The following NFAT5 variants were observed in gnomAD, a reference collection of about 807,000 sequenced individuals.
The protein encoded by NFAT5 is nuclear factor of activated T cells 5, also known as nuclear factor of activated T-cells 5.
NFAT5 carries 31 observed loss-of-function variants against 166.5 expected under a neutral mutation model. The ratio of observed to expected loss-of-function variants is 0.19; its 90% CI spans 0.14 to 0.25. The LOEUF (loss-of-function observed/expected upper bound fraction) is 0.25, where lower values mean the gene tolerates loss of function less well. Ranked by LOEUF, NFAT5 falls within the 10% of genes least tolerant of loss-of-function variation. The pLI, the probability that NFAT5 is intolerant of heterozygous loss-of-function variation, is 1.00. For missense variants in NFAT5, 1,449 were observed against 1,821.8 expected (o/e 0.80, Z 3.72); for synonymous variants, 612 against 639.7 (o/e 0.96, Z 0.65).
intron 7 of NFAT5, among the ~76,000 whole-genome samples, chr16:69,666,886 A>G (rs1415754435): frequency 2.0e-5 from 3 of 152,232 alleles, no homozygotes; most frequent in Admixed American, 6.5e-5. Context: ...TGTTTATTGC[A>G]GCACTATTCA....
At chr16:69,661,069 AC>A (rs1170460517) in intron 7 of NFAT5, among the ~76,000 whole-genome samples, 1 of 125,088 alleles carries the variant, frequency 8.0e-6, no homozygotes, top group Non-Finnish European at 1.6e-5. Context: ...TCCTCCCAGC[AC>A]CCCCCACCAC....
chr16:69,590,666 C>T (rs1213796097), intron 2 of NFAT5, among the ~76,000 whole-genome samples: 2 of 152,176 alleles, frequency 1.3e-5, no homozygotes, highest in Non-Finnish European at 2.9e-5. Context: ...TCCCCTCCCT[C>T]AGCCTAACAG....
intron 2 of NFAT5, among the ~76,000 whole-genome samples, chr16:69,576,291 C>CAAAAAAA (rs35557444): frequency 1.8e-5 from 1 of 55,304 alleles, no homozygotes; most frequent in Admixed American, 2.0e-4. Context: ...GACTCGGTCT[C>CAAAAAAA]AAAAAAAAAA....
intron 2 of NFAT5, among the ~76,000 whole-genome samples, chr16:69,578,858 A>G (rs1311104401): frequency 6.6e-6 from 1 of 152,102 alleles, no homozygotes; most frequent in Non-Finnish European, 1.5e-5. Flanking sequence ...GAAACACTAT[A>G]AAAGTTGCAT....
intron 2 of NFAT5, among the ~76,000 whole-genome samples, chr16:69,591,288 CT>C: frequency 6.6e-6 from 1 of 152,050 alleles, no homozygotes. Flanking sequence ...AAAGAGTCCC[CT>C]CCCCACCCCG....
chr16:69,624,462 C>T (rs2034353376), intron 2 of NFAT5, among the ~76,000 whole-genome samples: 1 of 152,150 alleles, frequency 6.6e-6, no homozygotes, highest in African/African-American at 2.4e-5. Context: ...CCGCCTCGGC[C>T]TCCCAGTGTT....
intron 4 of NFAT5, among the ~76,000 whole-genome samples, chr16:69,650,602 A>G (rs1416829302): frequency 2.0e-5 from 3 of 152,258 alleles, no homozygotes; most frequent in East Asian, 1.9e-4. Flanking sequence ...CTTGACTAGC[A>G]TAAGTGAGTA....
At chr16:69,686,751 C>G (rs2037322323) in intron 11 of NFAT5, among the ~76,000 whole-genome samples, 1 of 151,966 alleles carries the variant, frequency 6.6e-6, no homozygotes, top group Admixed American at 6.5e-5. Flanking sequence ...GTAATCCCAG[C>G]TGCTTGGGAG....
intron 4 of NFAT5, chr16:69,649,275 A>C: frequency 3.1e-6 from 3 of 956,480 alleles, no homozygotes; most frequent in Non-Finnish European, 3.7e-6. Flanking sequence ...AAAGTCTTTA[A>C]TATAAAGTTC....
At chr16:69,643,183 A>G (rs1373895097) in intron 3 of NFAT5, among the ~76,000 whole-genome samples, 1 of 147,292 alleles carries the variant, frequency 6.8e-6, no homozygotes, top group Non-Finnish European at 1.5e-5. Flanking sequence ...GCGCCACTGC[A>G]CTCCAGCCTG....
chr16:69,651,639 A>G lies in NFAT5; in HGVS notation c.813-1597A>G, dbSNP rs531256212. 2.0e-5 allele frequency among the ~76,000 whole-genome samples: 3 copies of G among 151,560 alleles called. No homozygotes were observed. In the South Asian group the frequency reaches 6.3e-4, roughly 32 times the overall value. On this transcript the variant is annotated intron_variant, in intron 4 of 14. Coordinates refer to ENST00000349945, the MANE Select transcript of NFAT5 (RefSeq NM_138713.4). ...GACTAGGAGGGTCACAGAGAAAGCT[A>G]TGACCCTGACTTTATTTAAAAACAT...
At chr16:69,600,690 AGATACAG>A (rs919678462) in intron 2 of NFAT5, among the ~76,000 whole-genome samples, 1 of 149,744 alleles carries the variant, frequency 6.7e-6, no homozygotes, top group African/African-American at 2.5e-5. Flanking sequence ...CAAGAATGAT[AGATACAG>A]GATAGTAGCC....
chr16:69,571,000 TA>T, intron 2 of NFAT5, among the ~76,000 whole-genome samples: 1 of 151,956 alleles, frequency 6.6e-6, no homozygotes, highest in Middle Eastern at 3.4e-3. Flanking sequence ...TTTTAAAAAC[TA>T]AATGCTAGCT....
At chr16:69,591,133 T>C (rs575143832) in intron 2 of NFAT5, among the ~76,000 whole-genome samples, 11 of 152,270 alleles carry the variant, frequency 7.2e-5, no homozygotes, top group African/African-American at 2.6e-4. Flanking sequence ...GGTTTTGCCA[T>C]GTTGACCAGG....
At position 69,566,531 on chromosome 16, in the gene NFAT5, G is replaced by A. The variant is rs1287645249; in HGVS notation, c.73+157G>A. On this transcript the variant is annotated intron_variant, in intron 1 of 14. Transcript: ENST00000349945. The surrounding 1 kb of genome is among the most constrained non-coding windows in gnomAD (Gnocchi z 5.7). ...GGAGCGGGCAGAGGCCGAAGGGATC[G>A]GGGTGACGGTGGAGGGGGCGGGCGG... Among the ~76,000 whole-genome samples the A allele has an allele frequency of 6.6e-6, 1 of 152,230 alleles. No individual in the cohort carries two copies. Among genetic ancestry groups the A allele is most frequent in the Non-Finnish European group, 1.5e-5 (1 of 67,980 alleles).
chr16:69,615,217 T>G (rs186310116), intron 2 of NFAT5, among the ~76,000 whole-genome samples: 265 of 152,184 alleles, frequency 1.7e-3, no homozygotes, highest in Non-Finnish European at 3.2e-3. Context: ...AATTTTTGTA[T>G]TTTACTAGAG....
intron 3 of NFAT5, among the ~76,000 whole-genome samples, chr16:69,629,337 A>G (rs1476522607): frequency 2.0e-5 from 3 of 152,100 alleles, no homozygotes; most frequent in African/African-American, 4.8e-5. Context: ...AGATTCACCA[A>G]TTTAGATTTT....
intron 3 of NFAT5, among the ~76,000 whole-genome samples, chr16:69,627,357 TA>T (rs2034516784): frequency 8.4e-5 from 1 of 11,930 alleles, no homozygotes; most frequent in Non-Finnish European, 1.6e-4. Flanking sequence ...TATATATATA[TA>T]TATATATATA....
chr16:69,604,457 A>C (rs780051140), intron 2 of NFAT5, among the ~76,000 whole-genome samples: 1 of 152,204 alleles, frequency 6.6e-6, no homozygotes. Context: ...TTATTTCATC[A>C]CCAAGGTACT....
Sources: gnomAD v4.1 joint callset for allele counts (sites outside exome capture counted in the v4.1 genomes callset) on GRCh38, gnomAD v4.1.1 for gene constraint, Gnocchi (gnomAD v3.1) non-coding constraint, MANE v1.5 for transcripts, NCBI Gene and HGNC (gene_info 2026-07-23, HGNC 2026-07-21) for gene names.